The following DACH1 variants were observed in gnomAD, a reference collection of about 807,000 sequenced individuals.
The protein encoded by DACH1 is dachshund family transcription factor 1.
DACH1 carries 12 observed loss-of-function variants against 54.2 expected under a neutral mutation model. That is an observed-to-expected ratio of 0.22 (90% confidence interval 0.14 to 0.36). The LOEUF (loss-of-function observed/expected upper bound fraction) is 0.36. DACH1 is among the 10% of genes least tolerant of loss of function. The pLI is 1.00. For synonymous variants in DACH1, 386 were observed against 366.2 expected, an observed-to-expected ratio of 1.05 and a Z score of -0.62; for missense variants, 805 against 929.8, an observed-to-expected ratio of 0.87 and a Z score of 1.75.
chr13:71,823,268 T>G (rs1439868995), intron 1 of DACH1, among the ~76,000 whole-genome samples: 2 of 152,100 alleles, frequency 1.3e-5, no homozygotes, highest in African/African-American at 2.4e-5. Flanking sequence ...CAATCAGAGT[T>G]ATTCTATTAT....
chr13:71,782,142 A>G (rs1322127866), intron 1 of DACH1, among the ~76,000 whole-genome samples: 1 of 152,200 alleles, frequency 6.6e-6, no homozygotes, highest in African/African-American at 2.4e-5. Flanking sequence ...TCATTTCATT[A>G]GAAAATAAAT....
chr13:71,739,993 G>A (rs1025164784), intron 1 of DACH1, among the ~76,000 whole-genome samples: 1 of 152,062 alleles, frequency 6.6e-6, no homozygotes, highest in Non-Finnish European at 1.5e-5. Context: ...ATAAACACAG[G>A]ACTAAAATTG....
At chr13:71,632,742 G>T (rs1313797325) in intron 2 of DACH1, among the ~76,000 whole-genome samples, 1 of 152,028 alleles carries the variant, frequency 6.6e-6, no homozygotes, top group African/African-American at 2.4e-5. Flanking sequence ...CCTTCAGATT[G>T]GGTCTTTACA....
At chr13:71,682,818 T>C (rs1278808074) in intron 1 of DACH1, among the ~76,000 whole-genome samples, 1 of 152,184 alleles carries the variant, frequency 6.6e-6, no homozygotes, top group Non-Finnish European at 1.5e-5. Context: ...TAGAGACAGC[T>C]ATTGGCAATC....
At chr13:71,495,782 A>T (rs2138218602) in intron 6 of DACH1, among the ~76,000 whole-genome samples, 1 of 152,280 alleles carries the variant, frequency 6.6e-6, no homozygotes, top group East Asian at 1.9e-4. Context: ...GAAAACTACT[A>T]TTCGACCCAG....
At chr13:71,593,845 TG>T (rs1873900869) in intron 3 of DACH1, among the ~76,000 whole-genome samples, 2 of 151,950 alleles carry the variant, frequency 1.3e-5, no homozygotes, top group Non-Finnish European at 2.9e-5. Flanking sequence ...AGTGAAGTTT[TG>T]GTTCATATTG....
At chr13:71,586,575 A>G (rs1349082102) in intron 3 of DACH1, among the ~76,000 whole-genome samples, 1 of 152,098 alleles carries the variant, frequency 6.6e-6, no homozygotes, top group East Asian at 1.9e-4. Flanking sequence ...CAATTCTTAT[A>G]TTCACCAGCT....
intron 6 of DACH1, among the ~76,000 whole-genome samples, chr13:71,514,582 T>C (rs900314203): frequency 7.9e-5 from 12 of 151,852 alleles, no homozygotes; most frequent in African/African-American, 2.7e-4. Context: ...TGTGTATATA[T>C]AGATATATAT....
At chr13:71,761,502 T>C (rs1028918045) in intron 1 of DACH1, among the ~76,000 whole-genome samples, 1 of 152,212 alleles carries the variant, frequency 6.6e-6, no homozygotes, top group Non-Finnish European at 1.5e-5. Context: ...GCGAGATGAA[T>C]TGTTTTAGTG....
intron 1 of DACH1, among the ~76,000 whole-genome samples, chr13:71,834,609 T>C (rs750184428): frequency 9.2e-5 from 14 of 152,138 alleles, no homozygotes; most frequent in Non-Finnish European, 1.5e-4. Flanking sequence ...AACGGCTCTG[T>C]TGCCTCGCCG....
chr13:71,789,933 A>G (rs1319642376), intron 1 of DACH1, among the ~76,000 whole-genome samples: 12 of 152,138 alleles, frequency 7.9e-5, no homozygotes, highest in African/African-American at 2.9e-4. Flanking sequence ...CGGCATACAA[A>G]TTTATTAGTC....
chr13:71,488,116 TG>T (rs1296199045), intron 7 of DACH1, among the ~76,000 whole-genome samples: 1 of 152,130 alleles, frequency 6.6e-6, no homozygotes, highest in Non-Finnish European at 1.5e-5. Flanking sequence ...ACATTTCCAC[TG>T]GGGGAAACTT....
chr13:71,800,865 AT>A (rs1017967082), intron 1 of DACH1, among the ~76,000 whole-genome samples: 2 of 126,748 alleles, frequency 1.6e-5, no homozygotes, highest in African/African-American at 3.2e-5. Flanking sequence ...TTGAAAAAAA[AT>A]CTCTGCAACA....
intron 10 of DACH1, chr13:71,464,864 C>A: frequency 2.9e-6 from 1 of 343,646 alleles, no homozygotes; most frequent in Non-Finnish European, 5.6e-6. Context: ...AATGCACTCC[C>A]AGAAACAGGG....
At chr13:71,521,992 T>C (rs1285136478) in intron 6 of DACH1, among the ~76,000 whole-genome samples, 2 of 152,158 alleles carry the variant, frequency 1.3e-5, no homozygotes, top group Non-Finnish European at 2.9e-5. Context: ...CAATGGAATT[T>C]GTCATGTGAC....
intron 1 of DACH1, among the ~76,000 whole-genome samples, chr13:71,795,895 A>G (rs1261714686): frequency 1.3e-5 from 2 of 152,174 alleles, no homozygotes; most frequent in African/African-American, 4.8e-5. Context: ...CTTAGGTGAT[A>G]GATAATTATC....
At chr13:71,605,044 T>C (rs909462520) in intron 3 of DACH1, among the ~76,000 whole-genome samples, 4 of 151,956 alleles carry the variant, frequency 2.6e-5, no homozygotes, top group Non-Finnish European at 5.9e-5. Context: ...AAAATCACTA[T>C]AGATGCAGTT....
chr13:71,854,414 T>C (rs895568633), intron 1 of DACH1, among the ~76,000 whole-genome samples: 2 of 152,134 alleles, frequency 1.3e-5, no homozygotes, highest in Admixed American at 6.6e-5. Context: ...TTGAGTATCA[T>C]GTACAATTCT....
At chr13:71,855,817 A>ATGTT (rs1238785983) in intron 1 of DACH1, among the ~76,000 whole-genome samples, 8 of 152,060 alleles carry the variant, frequency 5.3e-5, no homozygotes, top group African/African-American at 1.7e-4. Flanking sequence ...TTATTTGGAA[A>ATGTT]TGTTATTACA....
Sources: gnomAD v4.1 joint callset for allele counts (sites outside exome capture counted in the v4.1 genomes callset) on GRCh38, gnomAD v4.1.1 for gene constraint, MANE v1.5 for transcripts, NCBI Gene and HGNC (gene_info 2026-07-23, HGNC 2026-07-21) for gene names.